PAG1: variants seen among roughly 807,000 people sequenced by gnomAD.
PAG1 encodes the protein phosphoprotein associated with glycosphingolipid-enriched microdomains 1.
Under a neutral mutation model 31.7 loss-of-function variants are expected in PAG1, and 23 were observed. The observed-to-expected ratio is 0.73, with a 90% CI of 0.52 to 1.03. PAG1 has a LOEUF of 1.03. PAG1 is among the 50% of genes least tolerant of loss of function. The pLI, the probability that PAG1 is intolerant of heterozygous loss-of-function variation, is 0.00. For missense variants in PAG1, 473 were observed against 540.7 expected (o/e 0.87, Z 1.24); for synonymous variants, 214 against 210.3 (o/e 1.02, Z -0.15).
At chr8:81,098,625 T>C (rs1348620379) in intron 1 of PAG1, among the ~76,000 whole-genome samples, 4 of 152,148 alleles carry the variant, frequency 2.6e-5, no homozygotes, top group Admixed American at 2.6e-4. Context: ...CATGTTATTC[T>C]TCTTGGGCCC....
chr8:81,068,537 G>C (rs899656960), intron 2 of PAG1, among the ~76,000 whole-genome samples: 2 of 152,176 alleles, frequency 1.3e-5, no homozygotes, highest in African/African-American at 4.8e-5. Context: ...TTATTGTTGA[G>C]AAGAATGCTT....
At chr8:81,037,865 C>T (rs536781637) in intron 2 of PAG1, among the ~76,000 whole-genome samples, 131 of 152,278 alleles carry the variant, frequency 8.6e-4, no homozygotes, top group Admixed American at 2.7e-3. Flanking sequence ...TATTCCAGTC[C>T]TTTCCACTCT....
intron 2 of PAG1, chr8:81,036,833 T>C (rs1563638086): frequency 6.6e-6 from 1 of 152,218 alleles, no homozygotes; most frequent in Non-Finnish European, 1.5e-5. Flanking sequence ...ATTTACTGTG[T>C]TAACAGTTCT....
chr8:81,092,821 C>T (rs751326978), intron 1 of PAG1, among the ~76,000 whole-genome samples: 8 of 152,190 alleles, frequency 5.3e-5, no homozygotes, highest in South Asian at 2.1e-4. Flanking sequence ...AAACTAATGC[C>T]GATTTCTTGT....
intron 2 of PAG1, among the ~76,000 whole-genome samples, chr8:81,036,738 G>A (rs1412431593): frequency 6.6e-6 from 1 of 152,204 alleles, no homozygotes; most frequent in Non-Finnish European, 1.5e-5. Context: ...TCCTGGGGCT[G>A]CTTTTTCTTG....
intron 1 of PAG1, among the ~76,000 whole-genome samples, chr8:81,089,450 C>G (rs1199650194): frequency 1.3e-5 from 2 of 152,134 alleles, no homozygotes; most frequent in Admixed American, 1.3e-4. Context: ...TGCCTGTAGT[C>G]CCAGCTACTA....
intron 1 of PAG1, among the ~76,000 whole-genome samples, chr8:81,075,881 G>T (rs1809168920): frequency 6.6e-6 from 1 of 152,226 alleles, no homozygotes; most frequent in Non-Finnish European, 1.5e-5. Flanking sequence ...GTAAACAAGG[G>T]TCTCTAATCT....
At chr8:81,056,120 G>T (rs985014759) in intron 2 of PAG1, among the ~76,000 whole-genome samples, 1 of 152,092 alleles carries the variant, frequency 6.6e-6, no homozygotes, top group Admixed American at 6.5e-5. Context: ...TTATTATTTT[G>T]AAATATGTCC....
intron 2 of PAG1, chr8:81,067,591 T>G (rs540176552): frequency 6.6e-6 from 1 of 152,364 alleles, no homozygotes; most frequent in African/African-American, 2.4e-5. Context: ...CTCGTCTTTG[T>G]GAGCCAAAGA....
intron 3 of PAG1, among the ~76,000 whole-genome samples, chr8:81,011,700 G>GA (rs1344024891): frequency 2.0e-5 from 3 of 152,182 alleles, no homozygotes; most frequent in Non-Finnish European, 4.4e-5. Context: ...AATAGATAAT[G>GA]AATGTGTACA....
rs1807000898 is a variant in PAG1, at chr8:80,968,119, T to G, written c.*8425A>C. On this transcript the variant is annotated 3_prime_UTR_variant, in exon 9 of 9. Transcript: ENST00000220597. ...TGGAAATATGCATCAAAACAAAACT[T>G]ATTCTTAACATGACTAACAGTATTG... is the stretch of plus-strand genomic sequence containing the variant. The G allele has an allele frequency of 1.3e-5, 2 of 152,250 alleles. No individual in the cohort carries two copies. The highest frequency in any genetic ancestry group is 1.5e-5 in the Non-Finnish European group (1 of 68,046). 9.4% of individuals were successfully genotyped at this position (152,250 alleles called of 1,614,324 possible).
At chr8:80,999,961 C>T (rs1223489506) in intron 3 of PAG1, among the ~76,000 whole-genome samples, 3 of 152,096 alleles carry the variant, frequency 2.0e-5, no homozygotes, top group Non-Finnish European at 2.9e-5. Flanking sequence ...TCTAGAAGTA[C>T]GTATCACATG....
chr8:81,037,308 T>A (rs1003430974), intron 2 of PAG1: 2 of 152,208 alleles, frequency 1.3e-5, no homozygotes, highest in African/African-American at 2.4e-5. Flanking sequence ...TTGATTTTTT[T>A]AAAATGACAT....
intron 2 of PAG1, among the ~76,000 whole-genome samples, chr8:81,042,965 G>A (rs1488124839): frequency 2.0e-5 from 3 of 152,168 alleles, no homozygotes; most frequent in Admixed American, 1.3e-4. Flanking sequence ...ACCAATCATA[G>A]TTGAAGATGC....
At chr8:81,083,336 G>A (rs543538424) in intron 1 of PAG1, among the ~76,000 whole-genome samples, 2 of 152,306 alleles carry the variant, frequency 1.3e-5, no homozygotes, top group South Asian at 4.1e-4. Flanking sequence ...GTTGGGGAGG[G>A]TAGAAACCCA....
At chr8:80,985,608 T>A (rs1429909773) in intron 6 of PAG1, among the ~76,000 whole-genome samples, 1 of 152,240 alleles carries the variant, frequency 6.6e-6, no homozygotes, top group Non-Finnish European at 1.5e-5. Flanking sequence ...TTATCTTGGC[T>A]CTAAGTGTAG....
At chr8:81,052,951 C>A (rs116614561) in intron 2 of PAG1, among the ~76,000 whole-genome samples, 66 of 152,286 alleles carry the variant, frequency 4.3e-4, no homozygotes, top group African/African-American at 1.5e-3. Context: ...AGACAATGAG[C>A]GGATATTTAT....
chr8:81,008,244 A>G (rs1384475110), intron 3 of PAG1, among the ~76,000 whole-genome samples: 2 of 152,148 alleles, frequency 1.3e-5, no homozygotes, highest in Admixed American at 6.6e-5. Context: ...ACCTTTCTCC[A>G]AACTCTTCAA....
At chr8:81,040,128 G>A (rs1283217200) in intron 2 of PAG1, among the ~76,000 whole-genome samples, 1 of 152,108 alleles carries the variant, frequency 6.6e-6, no homozygotes, top group Admixed American at 6.6e-5. Context: ...TCATGCTTAT[G>A]AGTCCACCCT....
Sources: allele counts gnomAD v4.1 joint callset (sites outside exome capture counted in the v4.1 genomes callset), GRCh38; gene constraint gnomAD v4.1.1; transcripts MANE v1.5; gene names NCBI Gene and HGNC (gene_info 2026-07-23, HGNC 2026-07-21).